Variants in USP38 observed in about 807,000 individuals in gnomAD.
USP38 encodes ubiquitin specific peptidase 38, also known as ubiquitin carboxyl-terminal hydrolase 38.
USP38 carries 49 observed loss-of-function variants against 94.3 expected under a neutral mutation model. The ratio of observed to expected loss-of-function variants is 0.52; its 90% CI spans 0.41 to 0.66. The LOEUF is 0.66. Among genes scored for constraint, USP38 ranks in the 30% least tolerant of loss-of-function variants. USP38 has a pLI of 0.00. For missense variants in USP38, 1,128 were observed against 1,229.4 expected, an observed-to-expected ratio of 0.92 and a Z score of 1.23; for synonymous variants, 468 against 463.6, an observed-to-expected ratio of 1.01 and a Z score of -0.12.
chr4:143,198,910 A>T (rs761127943), intron 4 of USP38, among the ~76,000 whole-genome samples: 1 of 152,196 alleles, frequency 6.6e-6, no homozygotes, highest in Non-Finnish European at 1.5e-5. Context: ...CCAAGAAAAA[A>T]AACATCAATT....
chr4:143,193,216 G>A (rs1440144766), intron 2 of USP38, among the ~76,000 whole-genome samples: 1 of 148,382 alleles, frequency 6.7e-6, no homozygotes, highest in South Asian at 2.1e-4. Flanking sequence ...AACTGCAGTG[G>A]TTTTTTTTTT....
At chr4:143,197,460 T>C (rs1029810725) in intron 3 of USP38, among the ~76,000 whole-genome samples, 4 of 152,228 alleles carry the variant, frequency 2.6e-5, no homozygotes, top group African/African-American at 9.6e-5. Context: ...GTTTTTTTAA[T>C]CCACTGTTGT....
chr4:143,192,338 A>C (rs1731420087), intron 2 of USP38, among the ~76,000 whole-genome samples: 1 of 151,998 alleles, frequency 6.6e-6, no homozygotes, highest in African/African-American at 2.4e-5. Flanking sequence ...TAATTTTTGT[A>C]TTTTTAGTAG....
At chr4:143,215,387 G>A in intron 9 of USP38, 1 of 157,232 alleles carries the variant, frequency 6.4e-6, no homozygotes, top group Non-Finnish European at 1.4e-5. Context: ...TGTAGACTAT[G>A]TAAAGAAAGG....
intron 2 of USP38, among the ~76,000 whole-genome samples, chr4:143,192,451 A>G (rs1372856929): frequency 6.6e-6 from 1 of 151,798 alleles, no homozygotes; most frequent in Non-Finnish European, 1.5e-5. Flanking sequence ...GGTGTGAGCC[A>G]CTGTGCCCGG....
chr4:143,192,147 T>G (rs1731412906), intron 2 of USP38, among the ~76,000 whole-genome samples: 1 of 152,252 alleles, frequency 6.6e-6, no homozygotes, highest in Non-Finnish European at 1.5e-5. Flanking sequence ...TACTGTTATA[T>G]TCTCAGCACC....
At chr4:143,216,114 T>C (rs1021943982) in intron 9 of USP38, among the ~76,000 whole-genome samples, 2 of 152,152 alleles carry the variant, frequency 1.3e-5, no homozygotes, top group Non-Finnish European at 2.9e-5. Flanking sequence ...TGTATAGCCA[T>C]AGCAACCACT....
At position 143,213,564 on chromosome 4, in the gene USP38, G is replaced by C. The variant is rs751279580; in HGVS notation, c.1605-17G>C. On this transcript the variant is annotated splice_polypyrimidine_tract_variant and intron_variant, in intron 8 of 9. Coordinates refer to ENST00000307017, the MANE Select transcript of USP38 (RefSeq NM_032557.6). Reference sequence around the variant, plus strand: ...AAGTTAATTTAAGTAGCTATATAATGATATCCTCTGCTGCAGGCTCCATGA... The same window carrying C: ...AAGTTAATTTAAGTAGCTATATAATCATATCCTCTGCTGCAGGCTCCATGA... 1.8e-5 allele frequency: 29 copies of C among 1,569,620 alleles called. No individual in the cohort carries two copies. The South Asian group carries it at 3.5e-4, about 19-fold the overall frequency.
rs1731781481 is a variant in USP38 at position 143,203,674 on chromosome 4, A to C, written c.1209+108A>C. The C allele has an allele frequency of 3.4e-6, 4 of 1,185,952 alleles. No homozygotes were observed. In the South Asian group the frequency reaches 6.8e-5, roughly 20 times the overall value. The allele number at this position is 1,185,952 out of a possible 1,614,324, so 73.5% of individuals were successfully genotyped here. A position where few individuals can be genotyped will look rare whatever the true frequency, so the allele number is the denominator to read the frequency against. ...ACTATTTTATGGTAATATGCTTTTT[A>C]TTTGAAAAATGCAGTTAGAATCAGG... is the stretch of plus-strand genomic sequence containing the variant. On this transcript the variant is annotated intron_variant, in intron 5 of 9. Transcript: ENST00000307017.
At chr4:143,203,206 A>G (rs544259765) in intron 4 of USP38, among the ~76,000 whole-genome samples, 4 of 152,260 alleles carry the variant, frequency 2.6e-5, no homozygotes, top group African/African-American at 9.6e-5. Context: ...GTCATATATG[A>G]GATTACAGTC....
At chr4:143,192,391 T>G (rs892326973) in intron 2 of USP38, among the ~76,000 whole-genome samples, 1 of 152,102 alleles carries the variant, frequency 6.6e-6, no homozygotes, top group African/African-American at 2.4e-5. Flanking sequence ...CTCGAACTTC[T>G]GACCTCAGGT....
At chr4:143,188,100 A>G in intron 2 of USP38, 139 bp downstream of exon 2, 4 of 1,120,216 alleles carry the variant, frequency 3.6e-6, no homozygotes, top group Non-Finnish European at 4.9e-6. Context: ...CTCCAAATAG[A>G]TTGGAATTGT....
At chr4:143,208,147 G>C (rs1731923320) in intron 6 of USP38, among the ~76,000 whole-genome samples, 1 of 151,882 alleles carries the variant, frequency 6.6e-6, no homozygotes, top group Non-Finnish European at 1.5e-5. Flanking sequence ...ATTTGTATTC[G>C]AAATATTCCC....
rs752165243 is a variant in USP38, at chr4:143,185,568, G to T, written c.118G>T (p.Ala40Ser). 3 of 1,614,050 alleles carry T rather than the reference G, an allele frequency of 1.9e-6. No individual in the cohort carries two copies. Among genetic ancestry groups the T allele is most frequent in the Non-Finnish European group, 1.7e-6 (2 of 1,180,038 alleles). The change falls in exon 1 of 10, where the codon GCC becomes TCC. Residue 40 changes from alanine to serine, a missense_variant. Coordinates refer to ENST00000307017, the MANE Select transcript of USP38 (RefSeq NM_032557.6). ...CTGGCTAGACGAGGCGCAGTGCGAGGCCATGTTTGACCTGACGACCCGGCT... is the reference window on the plus strand; with the variant it reads ...CTGGCTAGACGAGGCGCAGTGCGAGTCCATGTTTGACCTGACGACCCGGCT... ...EHWLDEAQCEAMFDLTTRLIL... is the reference protein window; with the variant it reads ...EHWLDEAQCESMFDLTTRLIL...
Position 143,213,858 on chromosome 4 carries a change from A to G in USP38, c.1882A>G (p.Asn628Asp), listed in dbSNP as rs763839402. The change falls in exon 9 of 10, where the codon AAC (asparagine) becomes GAC (aspartate). Residue 628 changes from asparagine to aspartate, a missense_variant. Transcript: ENST00000307017. ...LAFCPSSSLE[N>D]MSVQDPASSP... ...CTTTTGTCCTTCCTCTTCTTTGGAA[A>G]ACATGTCTGTCCAAGATCCAGCATC... 11 of 1,613,742 alleles carry G rather than the reference A, an allele frequency of 6.8e-6. No individual in the cohort carries two copies. Among genetic ancestry groups the G allele is most frequent in the Non-Finnish European group, 9.3e-6 (11 of 1,179,844 alleles).
chr4:143,214,985 CAATT>C, intron 9 of USP38, 42 bp downstream of exon 9: 2 of 1,563,566 alleles, frequency 1.3e-6, no homozygotes, highest in South Asian at 2.3e-5. Context: ...AAATATTAAA[CAATT>C]GACACAGTTA....
chr4:143,214,630 C>T lies in USP38; in HGVS notation c.2654C>T (p.Ser885Phe). Residue 885 changes from serine (S) to phenylalanine (F), a missense_variant, in exon 9 of 10, where the codon TCC (serine) becomes TTC (phenylalanine). Transcript: ENST00000307017. ...CAGTCTGAGGCTCTGGCATTAGCAT[C>T]CTCCCAGAGTCATTTACTAGGGAGA... is the stretch of plus-strand genomic sequence containing the variant. ...YHQSEALALA[S>F]SQSHLLGRDS... The T allele has an allele frequency of 6.2e-7, 1 of 1,613,592 alleles. No individual in the cohort carries two copies. The highest frequency in any genetic ancestry group is 8.5e-7 in the Non-Finnish European group (1 of 1,179,760).
chr4:143,195,677 AT>A, intron 2 of USP38, 38 bp from the exon 3 acceptor site: 1 of 1,554,476 alleles, frequency 6.4e-7, no homozygotes, highest in East Asian at 2.3e-5. Flanking sequence ...AAATGAAAAT[AT>A]TTTCAATAAT....
At chr4:143,212,284 C>T (rs1732047654) in intron 7 of USP38, 34 bp from the exon 8 acceptor site, 2 of 1,480,784 alleles carry the variant, frequency 1.4e-6, no homozygotes, top group East Asian at 2.3e-5. Flanking sequence ...CTATAAGAAT[C>T]ACTTCCTTAT....
Sources: gnomAD v4.1 joint callset for allele counts (sites outside exome capture counted in the v4.1 genomes callset) on GRCh38, gnomAD v4.1.1 for gene constraint, MANE v1.5 for transcripts, NCBI Gene and HGNC (gene_info 2026-07-23, HGNC 2026-07-21) for gene names.